ZFP1: variants seen among roughly 807,000 people sequenced by gnomAD.
ZFP1 encodes zinc finger protein 1 homolog.
ZFP1 carries 32 observed loss-of-function variants against 38.5 expected under a neutral mutation model. The ratio of observed to expected loss-of-function variants is 0.83; its 90% confidence interval spans 0.63 to 1.12. ZFP1 has a LOEUF of 1.12. Ranked by LOEUF, ZFP1 falls within the 50% of genes most tolerant of loss-of-function variation. The pLI, the probability that ZFP1 is intolerant of heterozygous loss-of-function variation, is 0.00. For missense variants in ZFP1, 616 were observed against 480.8 expected (o/e 1.28, Z -2.63); for synonymous variants, 245 against 168.8 (o/e 1.45, Z -3.50).
chr16:75,122,319 G>A, the ZFP1 span, among the ~76,000 whole-genome samples: 2 of 152,188 alleles, frequency 1.3e-5, no homozygotes, highest in African/African-American at 2.4e-5. Flanking sequence ...GGAGTGGCAG[G>A]GTGAGTAGTT....
the ZFP1 span, among the ~76,000 whole-genome samples, chr16:75,126,009 C>G: frequency 2.0e-5 from 3 of 149,322 alleles, no homozygotes; most frequent in Non-Finnish European, 3.0e-5. Context: ...GAGATCAACC[C>G]CCTGAACTCC....
At chr16:75,136,985 A>G in the ZFP1 span, among the ~76,000 whole-genome samples, 1 of 152,194 alleles carries the variant, frequency 6.6e-6, no homozygotes, top group African/African-American at 2.4e-5. Flanking sequence ...CCTAAAAATA[A>G]TAATAATACC....
chr16:75,167,035 C>A, intron 3 of ZFP1, 139 bp downstream of exon 3: 1 of 1,440,886 alleles, frequency 6.9e-7, no homozygotes, highest in Non-Finnish European at 9.3e-7. Flanking sequence ...GATCTTGCAG[C>A]CTTTAAAGCT....
At chr16:75,139,379 A>ACAAAAAC in the ZFP1 span, among the ~76,000 whole-genome samples, 2 of 147,946 alleles carry the variant, frequency 1.4e-5, no homozygotes, top group African/African-American at 5.1e-5. Context: ...AAAAAAAAAA[A>ACAAAAAC]AAAAAAAAAA....
chr16:75,140,919 A>G, the ZFP1 span, among the ~76,000 whole-genome samples: 3 of 152,024 alleles, frequency 2.0e-5, no homozygotes, highest in African/African-American at 7.2e-5. Context: ...AGATCGCACC[A>G]CTGCACTCTA....
At position 75,169,493 on chromosome 16, in the gene ZFP1, G is replaced by A. The variant is rs200876100; in HGVS notation, c.383G>A (p.Gly128Glu). The A allele has an allele frequency of 6.8e-5, 109 of 1,612,982 alleles. No homozygotes were observed. The highest frequency in any genetic ancestry group is 8.8e-5 in the Non-Finnish European group (104 of 1,179,840). ...CTTAATAGTAATAGAAGCTATGCAGGAAAGCAGACTGATGAGTGTAATGAA... is the reference window on the plus strand; with the variant it reads ...CTTAATAGTAATAGAAGCTATGCAGAAAAGCAGACTGATGAGTGTAATGAA... ...DLLNSNRSYAGKQTDECNEFG... is the reference protein window; with the variant it reads ...DLLNSNRSYAEKQTDECNEFG... The change falls in exon 4 of 4, where the codon GGA becomes GAA. Residue 128 changes from glycine (G) to glutamate (E), a missense_variant. Transcript: ENST00000570010.
chr16:75,165,297 C>T (rs1339347001), intron 2 of ZFP1, among the ~76,000 whole-genome samples: 3 of 152,194 alleles, frequency 2.0e-5, no homozygotes, highest in African/African-American at 7.2e-5. Context: ...ATTCTAAATA[C>T]TTTCAGCCCT....
rs920727832 is a variant in ZFP1 at position 75,171,965 on chromosome 16, A to G, written c.*1631A>G. 1.3e-5 allele frequency: 2 copies of G among 152,254 alleles called. No individual in the cohort carries two copies. Among genetic ancestry groups the G allele is most frequent in the East Asian group, 3.8e-4 (2 of 5,202 alleles). The allele number at this position is 152,254 out of a possible 1,614,324, so 9.4% of individuals were successfully genotyped here. ...CTGGGAATCTATCCCTAAGGAATAAAAAGCGCCAGCACTTAAGATTATATG... is the reference window on the plus strand; with the variant it reads ...CTGGGAATCTATCCCTAAGGAATAAGAAGCGCCAGCACTTAAGATTATATG... On this transcript the variant is annotated 3_prime_UTR_variant, in exon 4 of 4. Coordinates refer to ENST00000570010, the MANE Select transcript of ZFP1 (RefSeq NM_153688.4).
chr16:75,149,359 G>A (rs2037062797), intron 1 of ZFP1: 1 of 151,986 alleles, frequency 6.6e-6, no homozygotes, highest in African/African-American at 2.4e-5. Context: ...ATTTCTCTCG[G>A]GTGGAATTTA....
the ZFP1 span, among the ~76,000 whole-genome samples, chr16:75,133,982 G>C: frequency 6.6e-6 from 1 of 152,066 alleles, no homozygotes; most frequent in African/African-American, 2.4e-5. Flanking sequence ...CCAGGAGGTG[G>C]AGGTTGCAGT....
At chr16:75,120,757 C>A in the ZFP1 span, among the ~76,000 whole-genome samples, 18 of 137,674 alleles carry the variant, frequency 1.3e-4, no homozygotes, top group Admixed American at 1.4e-4. Context: ...GCCACCATGC[C>A]CAGCTTGTTT....
chr16:75,129,132 A>G, the ZFP1 span, among the ~76,000 whole-genome samples: 3 of 152,120 alleles, frequency 2.0e-5, no homozygotes, highest in Admixed American at 6.6e-5. Context: ...ACTTCGGAGT[A>G]ATGTGGCCTA....
intron 3 of ZFP1, 88 bp from the exon 4 acceptor site, chr16:75,169,165 T>G: frequency 6.8e-7 from 1 of 1,462,260 alleles, no homozygotes; most frequent in Non-Finnish European, 9.1e-7. Context: ...GTCAGCCCTG[T>G]GATAGAACAC....
chr16:75,143,747 G>A (rs1229507090), upstream of ZFP1, among the ~76,000 whole-genome samples: 1 of 148,372 alleles, frequency 6.7e-6, no homozygotes, highest in Admixed American at 6.9e-5. Context: ...AACCTCCTGG[G>A]CTCAAGTGAA....
At chr16:75,163,265 A>T (rs572829725) in intron 2 of ZFP1, among the ~76,000 whole-genome samples, 6 of 151,388 alleles carry the variant, frequency 4.0e-5, no homozygotes, top group Non-Finnish European at 7.4e-5. Context: ...TCTCTATCAT[A>T]TGAGGATCTG....
At chr16:75,158,552 C>T (rs2037583201) in intron 2 of ZFP1, among the ~76,000 whole-genome samples, 1 of 150,984 alleles carries the variant, frequency 6.6e-6, no homozygotes, top group African/African-American at 2.4e-5. Context: ...TCTTGCCTCC[C>T]AAAGGGCTGG....
the ZFP1 span, among the ~76,000 whole-genome samples, chr16:75,131,572 C>T: frequency 6.6e-6 from 1 of 152,124 alleles, no homozygotes; most frequent in Admixed American, 6.6e-5. Context: ...GCTGGGTACA[C>T]ACTCCCCTCT....
intron 3 of ZFP1, among the ~76,000 whole-genome samples, chr16:75,169,027 C>T (rs767331057): frequency 7.2e-5 from 11 of 152,132 alleles, no homozygotes; most frequent in Admixed American, 6.6e-5. Flanking sequence ...GGCAATGCTA[C>T]TTGTATTGAT....
At chr16:75,154,439 A>T (rs1348358063) in intron 2 of ZFP1, among the ~76,000 whole-genome samples, 1 of 152,086 alleles carries the variant, frequency 6.6e-6, no homozygotes, top group Non-Finnish European at 1.5e-5. Flanking sequence ...CATGTTTTCA[A>T]CTCATTTGGA....
Sources: allele counts gnomAD v4.1 joint callset (sites outside exome capture counted in the v4.1 genomes callset), GRCh38; gene constraint gnomAD v4.1.1; transcripts MANE v1.5; gene names NCBI Gene and HGNC (gene_info 2026-07-23, HGNC 2026-07-21).